The following CCDC63 variants were observed in gnomAD, a reference collection of about 807,000 sequenced individuals.
CCDC63 encodes the protein coiled-coil domain-containing protein 63.
CCDC63 carries 54 observed loss-of-function variants against 63.6 expected under a neutral mutation model. That is an observed-to-expected ratio of 0.85 (90% CI 0.68 to 1.07). The LOEUF is 1.07. Ranked by LOEUF, CCDC63 falls within the 50% of genes least tolerant of loss-of-function variation. The pLI is 0.00. For missense variants in CCDC63, 637 were observed against 689.6 expected, an observed-to-expected ratio of 0.92 and a Z score of 0.86; for synonymous variants, 253 against 266.1, an observed-to-expected ratio of 0.95 and a Z score of 0.48.
At chr12:110,892,957 G>C in intron 8 of CCDC63, 119 bp from the exon 9 acceptor site, 1 of 757,468 alleles carries the variant, frequency 1.3e-6, no homozygotes, top group Non-Finnish European at 2.2e-6. Context: ...AGGTGTTTGG[G>C]GCTCTTTGAA....
intron 3 of CCDC63, among the ~76,000 whole-genome samples, chr12:110,854,546 C>T (rs1163411735): frequency 1.3e-5 from 2 of 152,006 alleles, no homozygotes; most frequent in East Asian, 1.9e-4. Flanking sequence ...CCACCCACCT[C>T]GGCCTCCTAA....
intron 4 of CCDC63, among the ~76,000 whole-genome samples, chr12:110,864,140 G>A (rs993571314): frequency 1.3e-5 from 2 of 152,258 alleles, no homozygotes; most frequent in African/African-American, 4.8e-5. Context: ...AACTGGCTTT[G>A]AGTAGACCAG....
chr12:110,907,365 G>C lies in CCDC63; in HGVS notation c.1581G>C (p.Gln527His). 3 of 1,614,068 alleles carry C rather than the reference G, an allele frequency of 1.9e-6. No individual in the cohort carries two copies. The highest frequency in any genetic ancestry group is 2.5e-6 in the Non-Finnish European group (3 of 1,180,010). Residue 527 changes from glutamine (Q) to histidine (H), a missense_variant, in exon 12 of 12, where the codon CAG becomes CAC. Physicochemically the swap from Gln to His is conservative, Grantham distance 24. Coordinates refer to ENST00000308208, the MANE Select transcript of CCDC63 (RefSeq NM_152591.3). This position sits in a 1 kb window ranked among gnomAD's most constrained non-coding sequence, Gnocchi z 4.4. ...EQPLDHSSLR[Q>H]LVLDNYILKE... Reference sequence around the variant, plus strand: ...CCCTGGACCACAGCAGCCTTCGGCAGCTGGTTCTCGACAATTATATCCTGA... The same window carrying C: ...CCCTGGACCACAGCAGCCTTCGGCACCTGGTTCTCGACAATTATATCCTGA...
chr12:110,859,972 C>A (rs886814028), intron 4 of CCDC63, among the ~76,000 whole-genome samples: 2 of 152,142 alleles, frequency 1.3e-5, no homozygotes, highest in Non-Finnish European at 2.9e-5. Context: ...TCAGGGAGGC[C>A]TTTTCTGTGC....
chr12:110,879,032 A>G (rs1041782694), intron 5 of CCDC63, among the ~76,000 whole-genome samples: 1 of 152,238 alleles, frequency 6.6e-6, no homozygotes, highest in Non-Finnish European at 1.5e-5. Flanking sequence ...AAGTATTTAA[A>G]GGTGAATTAC....
At chr12:110,884,962 G>C (rs1035442436) in intron 8 of CCDC63, among the ~76,000 whole-genome samples, 8 of 150,610 alleles carry the variant, frequency 5.3e-5, no homozygotes, top group African/African-American at 2.0e-4. Flanking sequence ...GCCTCCCAAA[G>C]TGCTGGGATT....
At position 110,880,018 on chromosome 12, in the gene CCDC63, A is replaced by G; in HGVS notation, c.602A>G (p.His201Arg). The G allele has an allele frequency of 1.9e-6, 3 of 1,614,200 alleles. No homozygotes were observed. Among genetic ancestry groups the G allele is most frequent in the Non-Finnish European group, 2.5e-6 (3 of 1,180,024 alleles). Residue 201 changes from histidine to arginine, a missense_variant, in exon 6 of 12, where the codon CAC (histidine) becomes CGC (arginine). Coordinates refer to ENST00000308208, the MANE Select transcript of CCDC63 (RefSeq NM_152591.3). ...AYDNVYQQLQ[H>R]CLLMEKKTMN... ...GACAATGTCTACCAGCAGCTCCAGC[A>G]CTGCCTGTTGATGGAGAAGAAAACC...
chr12:110,907,511 G>T lies in CCDC63; in HGVS notation c.*35G>T. 4 of 1,612,752 alleles carry T rather than the reference G, an allele frequency of 2.5e-6. No individual in the cohort carries two copies. Among genetic ancestry groups the T allele is most frequent in the Non-Finnish European group, 3.4e-6 (4 of 1,179,186 alleles). Reference sequence around the variant, plus strand: ...ATGGGGCCACCTTTGCAACATAACCGAAAGAATAAATGTTTTGTTCTGTAG... The same window carrying T: ...ATGGGGCCACCTTTGCAACATAACCTAAAGAATAAATGTTTTGTTCTGTAG... On this transcript the variant is annotated 3_prime_UTR_variant, in exon 12 of 12. Transcript: ENST00000308208. This position sits in a 1 kb window ranked among gnomAD's most constrained non-coding sequence, Gnocchi z 4.4.
intron 5 of CCDC63, among the ~76,000 whole-genome samples, chr12:110,876,780 T>TGTGAG (rs2071135890): frequency 6.6e-6 from 1 of 151,272 alleles, no homozygotes; most frequent in African/African-American, 2.4e-5. Context: ...ACATCTATAA[T>TGTGAG]CCAAGCACTT....
chr12:110,871,917 G>T (rs2071073736), intron 4 of CCDC63, among the ~76,000 whole-genome samples: 1 of 152,100 alleles, frequency 6.6e-6, no homozygotes, highest in African/African-American at 2.4e-5. Context: ...TCAACATTAT[G>T]TCTGCCAACA....
At chr12:110,904,484 G>A (rs1206938949) in intron 10 of CCDC63, 104 bp from the exon 11 acceptor site, 4 of 944,042 alleles carry the variant, frequency 4.2e-6, no homozygotes, top group Admixed American at 3.9e-5. Flanking sequence ...CGCACCTCCT[G>A]TACTTCCTGC....
chr12:110,845,421 G>A (rs1350642634), upstream of CCDC63, among the ~76,000 whole-genome samples: 1 of 152,134 alleles, frequency 6.6e-6, no homozygotes, highest in African/African-American at 2.4e-5. Context: ...TCAAATCCTG[G>A]CTGCTCCACT....
chr12:110,847,950 C>T (rs974762333), intron 1 of CCDC63, among the ~76,000 whole-genome samples: 5 of 152,250 alleles, frequency 3.3e-5, no homozygotes, highest in African/African-American at 1.2e-4. Flanking sequence ...GCTGCCCATG[C>T]GCCCAGGACT....
intron 5 of CCDC63, among the ~76,000 whole-genome samples, chr12:110,878,154 A>G (rs2071155573): frequency 6.6e-6 from 1 of 152,148 alleles, no homozygotes; most frequent in Admixed American, 6.5e-5. Flanking sequence ...AGGCTCAGTA[A>G]TATTTTATTG....
chr12:110,867,393 C>CG (rs2070978282), intron 4 of CCDC63, among the ~76,000 whole-genome samples: 1 of 124,182 alleles, frequency 8.1e-6, no homozygotes, highest in African/African-American at 3.2e-5. Flanking sequence ...GCTGGCCGGG[C>CG]GGGGGGCTGA....
chr12:110,902,424 A>G (rs903797066), intron 10 of CCDC63, among the ~76,000 whole-genome samples: 22 of 152,200 alleles, frequency 1.4e-4, no homozygotes, highest in African/African-American at 5.1e-4. Flanking sequence ...CTGCCCCTGC[A>G]TCTTGTTCCT....
intron 8 of CCDC63, among the ~76,000 whole-genome samples, chr12:110,885,516 T>G (rs2071268279): frequency 6.6e-6 from 1 of 152,222 alleles, no homozygotes; most frequent in South Asian, 2.1e-4. Context: ...GGCTTCTACC[T>G]GCCTTTGCAG....
intron 9 of CCDC63, among the ~76,000 whole-genome samples, chr12:110,897,690 G>A (rs564783129): frequency 6.7e-6 from 1 of 149,046 alleles, no homozygotes; most frequent in South Asian, 2.1e-4. Flanking sequence ...ATGTATGTTT[G>A]TATGTGTTGG....
Position 110,881,180 on chromosome 12 carries a change from A to T in CCDC63, c.737A>T (p.Asn246Ile). ...DRQKKDTSQY[N>I]LEIRELERLY... is the part of the protein sequence containing the mutation. ...CAGAAGAAGGACACCTCTCAGTACAACCTGGAGATCCGAGAGCTGGAGCGT... is the reference window on the plus strand; with the variant it reads ...CAGAAGAAGGACACCTCTCAGTACATCCTGGAGATCCGAGAGCTGGAGCGT... The change falls in exon 7 of 12, where the codon AAC (asparagine) becomes ATC (isoleucine). Residue 246 changes from asparagine to isoleucine, a missense_variant. Asn to Ile is a moderately radical substitution (Grantham distance 149). Transcript: ENST00000308208. The T allele has an allele frequency of 6.2e-7, 1 of 1,613,498 alleles. No homozygotes were observed. Among genetic ancestry groups the T allele is most frequent in the Non-Finnish European group, 8.5e-7 (1 of 1,179,968 alleles).
Sources: allele counts gnomAD v4.1 joint callset (sites outside exome capture counted in the v4.1 genomes callset), GRCh38; gene constraint gnomAD v4.1.1; non-coding constraint Gnocchi (gnomAD v3.1); transcripts MANE v1.5; gene names NCBI Gene and HGNC (gene_info 2026-07-23, HGNC 2026-07-21).